Variants in PELI2 observed in about 807,000 individuals in gnomAD.
PELI2 encodes the protein pellino E3 ubiquitin protein ligase family member 2.
In PELI2, 23 loss-of-function variants were observed where a neutral mutation model predicts 42.3. That is an observed-to-expected ratio of 0.54 (90% confidence interval 0.39 to 0.77). The LOEUF is 0.77. PELI2 is among the 30% of genes least tolerant of loss of function. The pLI is 0.00. For synonymous variants in PELI2, 245 were observed against 212.2 expected (o/e 1.15, Z -1.34); for missense variants, 463 against 553.2 (o/e 0.84, Z 1.64).
At chr14:56,227,916 T>C (rs959032985) in intron 2 of PELI2, among the ~76,000 whole-genome samples, 1 of 152,194 alleles carries the variant, frequency 6.6e-6, no homozygotes, top group Non-Finnish European at 1.5e-5. Flanking sequence ...AGCACCGAAG[T>C]AAATTTTAAA....
chr14:56,221,192 G>A (rs533493085), intron 2 of PELI2, among the ~76,000 whole-genome samples: 5 of 152,320 alleles, frequency 3.3e-5, no homozygotes, highest in African/African-American at 1.2e-4. Context: ...AGGCCATTGG[G>A]AAGGAGAGGA....
At chr14:56,171,445 C>A (rs1292733706) in intron 1 of PELI2, among the ~76,000 whole-genome samples, 1 of 152,190 alleles carries the variant, frequency 6.6e-6, no homozygotes, top group East Asian at 1.9e-4. Flanking sequence ...AGAAAGAAAT[C>A]TCTGTTCTTT....
At chr14:56,269,460 T>A (rs918004564) in intron 2 of PELI2, among the ~76,000 whole-genome samples, 1 of 150,610 alleles carries the variant, frequency 6.6e-6, no homozygotes, top group Non-Finnish European at 1.5e-5. Flanking sequence ...AAAAAAAAAA[T>A]AGATTGCACA....
rs1261928197 is a variant in PELI2, at chr14:56,219,251, A to C, written c.207+40787A>C. ...GTTTAATAGGCAAGAAGGAAGGAAGAAGACAGAAGGAAGAAGCTCCCCCGT... is the reference window on the plus strand; with the variant it reads ...GTTTAATAGGCAAGAAGGAAGGAAGCAGACAGAAGGAAGAAGCTCCCCCGT... On this transcript the variant is annotated intron_variant, in intron 2 of 5. Coordinates refer to ENST00000267460, the MANE Select transcript of PELI2 (RefSeq NM_021255.3). This position sits in a 1 kb window ranked among gnomAD's most constrained non-coding sequence, Gnocchi z 4.1. 6.6e-6 allele frequency among the ~76,000 whole-genome samples: 1 copy of C among 152,108 alleles called. No individual in the cohort carries two copies. Among genetic ancestry groups the C allele is most frequent in the Non-Finnish European group, 1.5e-5 (1 of 68,010 alleles).
intron 2 of PELI2, among the ~76,000 whole-genome samples, chr14:56,226,084 AAG>A (rs1391707708): frequency 7.7e-5 from 10 of 130,588 alleles, no homozygotes; most frequent in East Asian, 4.4e-4. Context: ...GGAAAAAAAA[AAG>A]AAGAAGAAGA....
intron 2 of PELI2, among the ~76,000 whole-genome samples, chr14:56,187,905 T>C (rs1363263181): frequency 6.6e-6 from 1 of 152,214 alleles, no homozygotes; most frequent in African/African-American, 2.4e-5. Flanking sequence ...AGGATCGCCG[T>C]GCTCTTCTCT....
At chr14:56,128,458 C>A (rs1883360519) in intron 1 of PELI2, among the ~76,000 whole-genome samples, 1 of 152,194 alleles carries the variant, frequency 6.6e-6, no homozygotes, top group South Asian at 2.1e-4. Context: ...TAGTGGGAAT[C>A]TGATTAGAAG....
rs1426758407 is a variant in PELI2, at chr14:56,284,781, G to A, written c.310-3656G>A. 3.3e-5 allele frequency among the ~76,000 whole-genome samples: 5 copies of A among 152,294 alleles called. No homozygotes were observed. The East Asian group carries it at 9.6e-4, about 29-fold the overall frequency. Reference sequence around the variant, plus strand: ...TAGTTTCATCTCTTGACCATCTGCTGTGTCAGAAACTCCTTTGATGACTGG... The same window carrying A: ...TAGTTTCATCTCTTGACCATCTGCTATGTCAGAAACTCCTTTGATGACTGG... On this transcript the variant is annotated intron_variant, in intron 3 of 5. Coordinates refer to ENST00000267460, the MANE Select transcript of PELI2 (RefSeq NM_021255.3).
intron 2 of PELI2, among the ~76,000 whole-genome samples, chr14:56,223,595 G>C (rs982229902): frequency 6.6e-6 from 1 of 152,190 alleles, no homozygotes; most frequent in Non-Finnish European, 1.5e-5. Flanking sequence ...GATGTAGAGA[G>C]AGGAAAATCT....
intron 1 of PELI2, among the ~76,000 whole-genome samples, chr14:56,161,473 C>T (rs1377252460): frequency 1.3e-5 from 2 of 152,114 alleles, no homozygotes; most frequent in Non-Finnish European, 2.9e-5. Context: ...TGGAGTTTCA[C>T]CATGTTGGTC....
intron 4 of PELI2, among the ~76,000 whole-genome samples, chr14:56,289,206 G>T (rs1195214239): frequency 6.6e-6 from 1 of 152,178 alleles, no homozygotes; most frequent in Non-Finnish European, 1.5e-5. Flanking sequence ...TCTAAAATCA[G>T]TGAAAATGTA....
At chr14:56,201,538 C>T (rs1477695110) in intron 2 of PELI2, among the ~76,000 whole-genome samples, 1 of 152,154 alleles carries the variant, frequency 6.6e-6, no homozygotes, top group Non-Finnish European at 1.5e-5. Context: ...TAAGGGCCTA[C>T]CACATAGATG....
intron 5 of PELI2, chr14:56,292,608 G>A (rs1228532629): frequency 6.0e-6 from 1 of 166,958 alleles, no homozygotes; most frequent in African/African-American, 2.4e-5. Flanking sequence ...TCACATTGTG[G>A]AGCTAGTGCT....
At chr14:56,145,077 A>G (rs1884064657) in intron 1 of PELI2, 1 of 439,410 alleles carries the variant, frequency 2.3e-6, no homozygotes, top group Admixed American at 6.4e-5. Flanking sequence ...TTTATAAAGA[A>G]AAGAGGCTTA....
chr14:56,248,579 G>C (rs1334287480), intron 2 of PELI2, among the ~76,000 whole-genome samples: 2 of 152,074 alleles, frequency 1.3e-5, no homozygotes, highest in African/African-American at 4.8e-5. Context: ...GGGTTGGGAA[G>C]CAGAAGGAAG....
At chr14:56,296,521 C>T in intron 5 of PELI2, 79 bp from the exon 6 acceptor site, 2 of 980,514 alleles carry the variant, frequency 2.0e-6, no homozygotes, top group African/African-American at 1.6e-5. Context: ...TATTTTTTTG[C>T]TTGTTCTGAG....
intron 2 of PELI2, among the ~76,000 whole-genome samples, chr14:56,225,573 C>T (rs908320278): frequency 5.9e-5 from 9 of 152,164 alleles, no homozygotes; most frequent in Admixed American, 1.3e-4. Context: ...GTGGCAGAGC[C>T]TGGGCCATTC....
intron 2 of PELI2, among the ~76,000 whole-genome samples, chr14:56,215,796 C>G (rs1886889645): frequency 6.6e-6 from 1 of 152,146 alleles, no homozygotes. Context: ...GTCACTGTCA[C>G]CAGCGGTGTG....
Position 56,240,768 on chromosome 14 carries a change from T to C in PELI2, c.208-38908T>C, listed in dbSNP as rs562869354. ...GTGGAATGCTAGCTTTGGATGGATG[T>C]GGGTCCCCAAGGCAGAGTAGCTGTG... On this transcript the variant is annotated intron_variant, in intron 2 of 5. Coordinates refer to ENST00000267460, the MANE Select transcript of PELI2 (RefSeq NM_021255.3). Among the ~76,000 whole-genome samples the C allele has an allele frequency of 2.6e-5, 4 of 152,246 alleles. No individual in the cohort carries two copies. In the South Asian group the frequency reaches 8.3e-4, roughly 32 times the overall value.
Sources: allele counts gnomAD v4.1 joint callset (sites outside exome capture counted in the v4.1 genomes callset), GRCh38; gene constraint gnomAD v4.1.1; non-coding constraint Gnocchi (gnomAD v3.1); transcripts MANE v1.5; gene names NCBI Gene and HGNC (gene_info 2026-07-23, HGNC 2026-07-21).